APPBP2: variants seen among roughly 807,000 people sequenced by gnomAD.
APPBP2 encodes the protein amyloid beta precursor protein binding protein 2, also known as amyloid protein-binding protein 2.
A neutral mutation model predicts 76.0 loss-of-function variants in APPBP2; 15 were observed. That is an observed-to-expected ratio of 0.20 (90% CI 0.13 to 0.30). The LOEUF is 0.30. APPBP2 is among the 10% of genes least tolerant of loss of function. The pLI, the probability that APPBP2 is intolerant of heterozygous loss-of-function variation, is 1.00. For missense variants in APPBP2, 401 were observed against 687.2 expected (o/e 0.58, Z 4.66); for synonymous variants, 222 against 242.2 (o/e 0.92, Z 0.77).
intron 4 of APPBP2, among the ~76,000 whole-genome samples, chr17:60,466,868 G>A (rs1018211349): frequency 3.3e-5 from 5 of 152,174 alleles, no homozygotes; most frequent in Middle Eastern, 3.4e-3. Context: ...TCTAACACTT[G>A]ATCAGTTACC....
At chr17:60,461,958 C>T (rs747518135) in intron 7 of APPBP2, 36 bp downstream of exon 7, 2 of 1,607,752 alleles carry the variant, frequency 1.2e-6, no homozygotes, top group Admixed American at 3.3e-5. Context: ...AGTATAGAGA[C>T]AATTTAAAAG....
At chr17:60,504,232 A>G (rs1598370008) in intron 1 of APPBP2, among the ~76,000 whole-genome samples, 3 of 152,326 alleles carry the variant, frequency 2.0e-5, no homozygotes, top group African/African-American at 7.2e-5. Flanking sequence ...ACAAAAGGGA[A>G]AACAAGCTTA....
chr17:60,505,349 T>G (rs2090857762), intron 1 of APPBP2, among the ~76,000 whole-genome samples: 1 of 152,274 alleles, frequency 6.6e-6, no homozygotes, highest in African/African-American at 2.4e-5. Context: ...GGAGTCTCGC[T>G]CTGTCGCCTA....
At position 60,444,237 on chromosome 17, in the gene APPBP2, AG is replaced by A. The variant is rs2090327209; in HGVS notation, c.*3343del. ...AAAACCCCAAAAACTTTGTACTTAT[AG>A]TGTTTTTCCAGTAGTAACTTTGCCA... On this transcript the variant is annotated 3_prime_UTR_variant, in exon 13 of 13. Coordinates refer to ENST00000083182, the MANE Select transcript of APPBP2 (RefSeq NM_006380.5). 1 of 152,618 alleles carries A rather than the reference AG, an allele frequency of 6.6e-6. No homozygotes were observed. The highest frequency in any genetic ancestry group is 1.5e-5 in the Non-Finnish European group (1 of 68,040). The allele number at this position is 152,618 out of a possible 1,614,324, so 9.5% of individuals were successfully genotyped here.
intron 1 of APPBP2, among the ~76,000 whole-genome samples, chr17:60,508,442 A>C (rs1382141792): frequency 2.0e-5 from 3 of 152,218 alleles, no homozygotes; most frequent in Non-Finnish European, 4.4e-5. Context: ...ATTGAAACCA[A>C]GCATAGAAAC....
intron 1 of APPBP2, among the ~76,000 whole-genome samples, chr17:60,509,790 A>G (rs1348070690): frequency 6.6e-6 from 1 of 152,058 alleles, no homozygotes; most frequent in Non-Finnish European, 1.5e-5. Context: ...CAACAGTGAA[A>G]CTCCATCTCA....
At chr17:60,452,758 A>G (rs1420323433) in intron 11 of APPBP2, among the ~76,000 whole-genome samples, 1 of 152,086 alleles carries the variant, frequency 6.6e-6, no homozygotes, top group African/African-American at 2.4e-5. Context: ...ATAGGGCAAG[A>G]CCCTGTCTCT....
At chr17:60,507,482 A>G (rs1038148813) in intron 1 of APPBP2, among the ~76,000 whole-genome samples, 4 of 152,104 alleles carry the variant, frequency 2.6e-5, no homozygotes, top group Non-Finnish European at 4.4e-5. Flanking sequence ...TCAGCCTCCC[A>G]AAGTGCTGGG....
chr17:60,523,697 C>A (rs1056148621), intron 1 of APPBP2, among the ~76,000 whole-genome samples: 4 of 152,054 alleles, frequency 2.6e-5, no homozygotes, highest in African/African-American at 9.7e-5. Context: ...AGAATAATTT[C>A]TTCTTACATC....
chr17:60,483,350 T>C (rs1206558530), intron 3 of APPBP2, among the ~76,000 whole-genome samples: 4 of 152,180 alleles, frequency 2.6e-5, no homozygotes, highest in Non-Finnish European at 5.9e-5. Flanking sequence ...ATAGGTAGAT[T>C]GCAAAAATTT....
At chr17:60,458,755 CA>C (rs1421245843) in intron 9 of APPBP2, among the ~76,000 whole-genome samples, 2 of 150,484 alleles carry the variant, frequency 1.3e-5, no homozygotes, top group African/African-American at 4.9e-5. Flanking sequence ...CAGCATCAAC[CA>C]AAAAGAAGTT....
At chr17:60,508,448 G>C (rs906620543) in intron 1 of APPBP2, among the ~76,000 whole-genome samples, 15 of 152,004 alleles carry the variant, frequency 9.9e-5, no homozygotes, top group Admixed American at 2.0e-4. Context: ...ACCAAGCATA[G>C]AAACTCCACA....
intron 1 of APPBP2, among the ~76,000 whole-genome samples, chr17:60,505,689 T>TG (rs2090862039): frequency 2.1e-5 from 3 of 139,850 alleles, no homozygotes; most frequent in African/African-American, 8.6e-5. Context: ...TTTTTTTTTT[T>TG]TTTTTTTTTT....
Position 60,487,137 on chromosome 17 carries a change from C to T in APPBP2, c.379+7329G>A, listed in dbSNP as rs117722120. Among the ~76,000 whole-genome samples the T allele has an allele frequency of 8.6e-3, 1,312 of 152,162 alleles. 16 individuals are homozygous for T. Among genetic ancestry groups the T allele is most frequent in the Middle Eastern group, 0.037 (11 of 294 alleles). On this transcript the variant is annotated intron_variant, in intron 3 of 12. Coordinates refer to ENST00000083182, the MANE Select transcript of APPBP2 (RefSeq NM_006380.5). ...TGGCTGCTCTTAACATTTTTTCCTT[C>T]ATTTTTATCTTGGGGAATCTGACAA...
chr17:60,462,804 G>C (rs2090485018), intron 6 of APPBP2: 1 of 151,932 alleles, frequency 6.6e-6, no homozygotes, highest in South Asian at 2.1e-4. Flanking sequence ...CAAAAAATTA[G>C]TCGGGTGAGG....
At chr17:60,511,875 TA>T (rs2090916433) in intron 1 of APPBP2, among the ~76,000 whole-genome samples, 1 of 152,116 alleles carries the variant, frequency 6.6e-6, no homozygotes, top group Non-Finnish European at 1.5e-5. Flanking sequence ...CTCTATTATA[TA>T]AAGATATATT....
intron 4 of APPBP2, among the ~76,000 whole-genome samples, chr17:60,469,269 T>C (rs1308425348): frequency 1.4e-5 from 2 of 138,956 alleles, no homozygotes; most frequent in African/African-American, 2.8e-5. Flanking sequence ...GAGATTGCAG[T>C]GAGTCGAGAT....
chr17:60,475,072 A>G (rs930327793), intron 4 of APPBP2, among the ~76,000 whole-genome samples: 1 of 152,062 alleles, frequency 6.6e-6, no homozygotes, highest in African/African-American at 2.4e-5. Context: ...TACTAAAAAT[A>G]CAAAAAAATT....
At chr17:60,470,530 T>C (rs756119126) in intron 4 of APPBP2, among the ~76,000 whole-genome samples, 1 of 152,116 alleles carries the variant, frequency 6.6e-6, no homozygotes, top group Non-Finnish European at 1.5e-5. Context: ...CCTCCCAAAG[T>C]GCTGGGATTA....
Sources: allele counts gnomAD v4.1 joint callset (sites outside exome capture counted in the v4.1 genomes callset), GRCh38; gene constraint gnomAD v4.1.1; transcripts MANE v1.5; gene names NCBI Gene and HGNC (gene_info 2026-07-23, HGNC 2026-07-21).